Variants in ACMSD observed in about 807,000 individuals in gnomAD.
The protein encoded by ACMSD is aminocarboxymuconate semialdehyde decarboxylase.
In ACMSD, 37 loss-of-function variants were observed where a neutral mutation model predicts 45.9. The observed-to-expected ratio is 0.81, with a 90% confidence interval of 0.62 to 1.06. The LOEUF (loss-of-function observed/expected upper bound fraction) is 1.06, where lower values mean the gene tolerates loss of function less well. Among genes scored for constraint, ACMSD ranks in the 50% least tolerant of loss-of-function variants. ACMSD has a pLI of 0.00. For missense variants in ACMSD, 434 were observed against 420.9 expected (o/e 1.03, Z -0.27); for synonymous variants, 138 against 148.8 (o/e 0.93, Z 0.53).
chr2:134,870,548 T>C (rs1003533382), intron 6 of ACMSD, among the ~76,000 whole-genome samples: 2 of 152,168 alleles, frequency 1.3e-5, no homozygotes, highest in African/African-American at 4.8e-5. Context: ...CACAACAGTC[T>C]TGCAAAATGG....
intron 8 of ACMSD, among the ~76,000 whole-genome samples, chr2:134,874,067 C>T (rs1688606102): frequency 1.3e-5 from 2 of 152,248 alleles, no homozygotes; most frequent in African/African-American, 4.8e-5. Context: ...TCAGCACCTT[C>T]AGCGAGCACC....
chr2:134,868,036 G>C (rs1191015549), intron 6 of ACMSD, among the ~76,000 whole-genome samples: 1 of 152,140 alleles, frequency 6.6e-6, no homozygotes. Flanking sequence ...TCCAAAGCCA[G>C]TCTTGCTACA....
intron 8 of ACMSD, among the ~76,000 whole-genome samples, chr2:134,879,949 T>C (rs1039705505): frequency 2.0e-5 from 3 of 152,222 alleles, no homozygotes; most frequent in African/African-American, 7.2e-5. Flanking sequence ...CTGAATCTCA[T>C]GATTTTCCCA....
At chr2:134,879,945 CTCATGATTT>C (rs1688945271) in intron 8 of ACMSD, among the ~76,000 whole-genome samples, 1 of 152,156 alleles carries the variant, frequency 6.6e-6, no homozygotes. Flanking sequence ...TTTGCTGAAT[CTCATGATTT>C]TCCCATTTCT....
chr2:134,860,778 AG>A (rs370611746), intron 3 of ACMSD, among the ~76,000 whole-genome samples: 144 of 146,380 alleles, frequency 9.8e-4, no homozygotes, highest in African/African-American at 3.5e-3. Flanking sequence ...CCAGCATGTT[AG>A]GAGGCCACGT....
At chr2:134,899,255 A>G (rs1351058816) in intron 9 of ACMSD, among the ~76,000 whole-genome samples, 1 of 152,176 alleles carries the variant, frequency 6.6e-6, no homozygotes, top group African/African-American at 2.4e-5. Context: ...ATTGTTCATC[A>G]AATCTTCTCA....
intron 8 of ACMSD, among the ~76,000 whole-genome samples, chr2:134,884,287 T>G (rs1689205538): frequency 6.6e-6 from 1 of 152,294 alleles, no homozygotes; most frequent in South Asian, 2.1e-4. Context: ...AGCAGGGAAG[T>G]GTCTTAACCA....
intron 6 of ACMSD, among the ~76,000 whole-genome samples, chr2:134,869,721 T>C (rs1688326072): frequency 6.6e-6 from 1 of 151,820 alleles, no homozygotes; most frequent in Admixed American, 6.6e-5. Flanking sequence ...TATATATATA[T>C]ATATATCACA....
chr2:134,893,884 A>G (rs1306258008), intron 8 of ACMSD, among the ~76,000 whole-genome samples: 4 of 152,224 alleles, frequency 2.6e-5, no homozygotes, highest in African/African-American at 9.6e-5. Flanking sequence ...ACTAGACAGA[A>G]GAAGTCACAA....
intron 1 of ACMSD, among the ~76,000 whole-genome samples, chr2:134,842,848 C>T (rs4954187): frequency 0.59 from 90,370 of 152,042 alleles, 28,717 homozygotes; most frequent in Middle Eastern, 0.91. Context: ...AGTGACTTGT[C>T]GCATGTGGGA....
chr2:134,871,611 G>T (rs1688440486), intron 7 of ACMSD, among the ~76,000 whole-genome samples: 1 of 149,872 alleles, frequency 6.7e-6, no homozygotes, highest in Non-Finnish European at 1.5e-5. Context: ...TTACAAATAG[G>T]CCTATTTCAT....
chr2:134,860,829 G>C (rs1687811360), intron 3 of ACMSD, among the ~76,000 whole-genome samples: 1 of 133,862 alleles, frequency 7.5e-6, no homozygotes, highest in South Asian at 2.6e-4. Flanking sequence ...GGATCAGTCT[G>C]GGAAACACAG....
At chr2:134,862,832 A>C in intron 4 of ACMSD, 1 of 328,004 alleles carries the variant, frequency 3.0e-6, no homozygotes, top group Non-Finnish European at 4.4e-6. Context: ...AGGAAAGTAA[A>C]CAGTGAAGAA....
chr2:134,897,746 G>A (rs183886144), intron 8 of ACMSD, among the ~76,000 whole-genome samples: 34 of 152,094 alleles, frequency 2.2e-4, no homozygotes, highest in African/African-American at 5.5e-4. Context: ...ACAAGCCTAC[G>A]TATTTTATTG....
chr2:134,861,664 G>T (rs996518862), intron 3 of ACMSD, among the ~76,000 whole-genome samples: 2 of 152,168 alleles, frequency 1.3e-5, no homozygotes, highest in Non-Finnish European at 2.9e-5. Flanking sequence ...CATAACCTAA[G>T]ACAGAAAGCC....
chr2:134,886,016 A>T (rs910041766), intron 8 of ACMSD, among the ~76,000 whole-genome samples: 35 of 152,210 alleles, frequency 2.3e-4, no homozygotes, highest in Admixed American at 8.5e-4. Flanking sequence ...AAAACTATTG[A>T]CAGGGTTTAA....
At chr2:134,882,707 G>T (rs1689108124) in intron 8 of ACMSD, among the ~76,000 whole-genome samples, 1 of 152,188 alleles carries the variant, frequency 6.6e-6, no homozygotes, top group African/African-American at 2.4e-5. Flanking sequence ...AGAGTATGCT[G>T]TATTTACTGC....
intron 2 of ACMSD, among the ~76,000 whole-genome samples, chr2:134,850,807 A>G (rs7590261): frequency 0.078 from 11,876 of 152,176 alleles, 710 homozygotes; most frequent in East Asian, 0.29. Flanking sequence ...TTTTATTTTA[A>G]GCTCAGAGGA....
intron 6 of ACMSD, among the ~76,000 whole-genome samples, chr2:134,870,590 T>A (rs1688382101): frequency 6.6e-6 from 1 of 152,182 alleles, no homozygotes; most frequent in Non-Finnish European, 1.5e-5. Flanking sequence ...AGATGAAATG[T>A]GGGCTCAGAG....
Sources: gnomAD v4.1 joint callset for allele counts (sites outside exome capture counted in the v4.1 genomes callset) on GRCh38, gnomAD v4.1.1 for gene constraint, MANE v1.5 for transcripts, NCBI Gene and HGNC (gene_info 2026-07-23, HGNC 2026-07-21) for gene names.